SLC10A7: variants seen among roughly 807,000 people sequenced by gnomAD.
The protein encoded by SLC10A7 is solute carrier family 10 member 7.
In SLC10A7, 29 loss-of-function variants were observed where a neutral mutation model predicts 43.2. That is an observed-to-expected ratio of 0.67 (90% CI 0.50 to 0.92). The LOEUF is 0.92. Ranked by LOEUF, SLC10A7 falls within the 40% of genes least tolerant of loss-of-function variation. The pLI is 0.00. For missense variants in SLC10A7, 295 were observed against 403.2 expected (o/e 0.73, Z 2.30); for synonymous variants, 152 against 144.8 (o/e 1.05, Z -0.35).
rs147545268 is a variant in SLC10A7 at position 146,293,060 on chromosome 4, C to T, written c.722-80G>A. ...ATACTTATTGGTATACTTGTTTTAT[C>T]TAAAATTTATAGGAACTAAAAAAGA... On this transcript the variant is annotated intron_variant, in intron 8 of 11. Transcript: ENST00000335472. The T allele has an allele frequency of 3.5e-4, 304 of 872,356 alleles. No individual in the cohort carries two copies. The East Asian group carries it at 8.1e-3, about 23-fold the overall frequency. 54.0% of individuals were successfully genotyped at this position (872,356 alleles called of 1,614,324 possible). A position where few individuals can be genotyped will look rare whatever the true frequency, so the allele number is the denominator to read the frequency against.
chr4:146,381,809 G>T (rs965858202), intron 5 of SLC10A7, among the ~76,000 whole-genome samples: 2 of 152,056 alleles, frequency 1.3e-5, no homozygotes, highest in African/African-American at 4.8e-5. Context: ...GAGACAGCCA[G>T]CCATATTATC....
intron 4 of SLC10A7, among the ~76,000 whole-genome samples, chr4:146,463,301 C>G (rs1465959848): frequency 6.6e-6 from 1 of 152,092 alleles, no homozygotes; most frequent in Non-Finnish European, 1.5e-5. Flanking sequence ...GAGAAAAACA[C>G]TAAATGAGCA....
chr4:146,387,441 C>T (rs536732671), intron 5 of SLC10A7, among the ~76,000 whole-genome samples: 2 of 152,174 alleles, frequency 1.3e-5, no homozygotes, highest in South Asian at 4.1e-4. Flanking sequence ...AAACTCACAA[C>T]AAATGAGGCA....
chr4:146,283,680 G>A (rs1405706435), intron 9 of SLC10A7, among the ~76,000 whole-genome samples: 1 of 152,042 alleles, frequency 6.6e-6, no homozygotes, highest in Non-Finnish European at 1.5e-5. Context: ...ACACACTTAA[G>A]AATACAGGGT....
intron 4 of SLC10A7, among the ~76,000 whole-genome samples, chr4:146,448,234 A>C (rs903589641): frequency 3.3e-5 from 5 of 151,946 alleles, no homozygotes; most frequent in Non-Finnish European, 5.9e-5. Flanking sequence ...AAAATTAAAA[A>C]ATAAAAAAAA....
chr4:146,263,035 T>G (rs984805767), intron 10 of SLC10A7, among the ~76,000 whole-genome samples: 1 of 152,244 alleles, frequency 6.6e-6, no homozygotes, highest in African/African-American at 2.4e-5. Flanking sequence ...CACCTTGTGG[T>G]CCTCCCACCC....
chr4:146,335,722 A>G (rs1465352774), intron 5 of SLC10A7, among the ~76,000 whole-genome samples: 1 of 152,128 alleles, frequency 6.6e-6, no homozygotes, highest in Non-Finnish European at 1.5e-5. Context: ...TAAGATAATC[A>G]TTTTGAAATG....
chr4:146,517,225 G>A, intron 1 of SLC10A7, 105 bp from the exon 2 acceptor site: 1 of 850,486 alleles, frequency 1.2e-6, no homozygotes, highest in Non-Finnish European at 1.8e-6. Context: ...CACTTTGGGA[G>A]GCCGAGGCGA....
chr4:146,489,913 T>G (rs1316890826), intron 4 of SLC10A7, among the ~76,000 whole-genome samples: 1 of 152,158 alleles, frequency 6.6e-6, no homozygotes, highest in Non-Finnish European at 1.5e-5. Flanking sequence ...ACAGGCAAAC[T>G]GTTTCTTAAA....
intron 5 of SLC10A7, among the ~76,000 whole-genome samples, chr4:146,390,734 A>G (rs935616065): frequency 6.6e-5 from 10 of 152,144 alleles, no homozygotes; most frequent in Non-Finnish European, 1.3e-4. Context: ...AAACACGAGC[A>G]ATTTTCCCCT....
At chr4:146,463,154 C>T (rs180990317) in intron 4 of SLC10A7, among the ~76,000 whole-genome samples, 3 of 151,944 alleles carry the variant, frequency 2.0e-5, no homozygotes. Flanking sequence ...AAAATGCAAG[C>T]GATGAAAATT....
chr4:146,369,753 T>C (rs1311386725), intron 5 of SLC10A7, among the ~76,000 whole-genome samples: 1 of 152,202 alleles, frequency 6.6e-6, no homozygotes, highest in Non-Finnish European at 1.5e-5. Context: ...ACATATCTCA[T>C]AGCAATCAAT....
At chr4:146,428,712 T>C (rs1000863421) in intron 5 of SLC10A7, among the ~76,000 whole-genome samples, 2 of 152,242 alleles carry the variant, frequency 1.3e-5, no homozygotes, top group East Asian at 1.9e-4. Context: ...AATTTAACTT[T>C]CACTTGTCAA....
chr4:146,270,584 G>A (rs1417444784), intron 10 of SLC10A7, among the ~76,000 whole-genome samples: 1 of 152,140 alleles, frequency 6.6e-6, no homozygotes, highest in Non-Finnish European at 1.5e-5. Flanking sequence ...TGTTGGGCAG[G>A]GTCCTGACAT....
chr4:146,482,510 C>T (rs908813188), intron 4 of SLC10A7, among the ~76,000 whole-genome samples: 1 of 151,482 alleles, frequency 6.6e-6, no homozygotes, highest in African/African-American at 2.4e-5. Flanking sequence ...TAGCACACTC[C>T]ATTGAGCAGA....
chr4:146,288,059 G>C (rs1292575371), intron 9 of SLC10A7, among the ~76,000 whole-genome samples: 1 of 152,176 alleles, frequency 6.6e-6, no homozygotes, highest in Non-Finnish European at 1.5e-5. Context: ...CTAAAGCTAG[G>C]GCCACACTGG....
At chr4:146,267,265 G>T (rs992448612) in intron 10 of SLC10A7, among the ~76,000 whole-genome samples, 2 of 152,166 alleles carry the variant, frequency 1.3e-5, no homozygotes, top group African/African-American at 4.8e-5. Flanking sequence ...TTGCCTGTGA[G>T]ATCAGTCTGG....
chr4:146,281,171 G>A (rs1310543465), intron 10 of SLC10A7, among the ~76,000 whole-genome samples: 1 of 152,034 alleles, frequency 6.6e-6, no homozygotes, highest in Non-Finnish European at 1.5e-5. Context: ...CAGAAAATAT[G>A]ACTTTAGGAT....
chr4:146,484,307 T>G (rs965127973), intron 4 of SLC10A7, among the ~76,000 whole-genome samples: 1 of 152,176 alleles, frequency 6.6e-6, no homozygotes, highest in African/African-American at 2.4e-5. Flanking sequence ...TGAACTATGA[T>G]GCCAACACTG....
Sources: gnomAD v4.1 joint callset for allele counts (sites outside exome capture counted in the v4.1 genomes callset) on GRCh38, gnomAD v4.1.1 for gene constraint, MANE v1.5 for transcripts, NCBI Gene and HGNC (gene_info 2026-07-23, HGNC 2026-07-21) for gene names.